The following DNAH8 variants were observed in gnomAD, a reference collection of about 807,000 sequenced individuals.
DNAH8 encodes the protein axonemal beta dynein heavy chain 8.
DNAH8 carries 382 observed loss-of-function variants against 562.1 expected under a neutral mutation model. That is an observed-to-expected ratio of 0.68 (90% CI 0.63 to 0.74). DNAH8 has a LOEUF of 0.74. Among genes scored for constraint, DNAH8 ranks in the 30% least tolerant of loss-of-function variants. The pLI, the probability that DNAH8 is intolerant of heterozygous loss-of-function variation, is 0.00. For synonymous variants in DNAH8, 1,881 were observed against 1,919.4 expected (o/e 0.98, Z 0.52); for missense variants, 5,203 against 5,620.4 (o/e 0.93, Z 2.37).
intron 62 of DNAH8, among the ~76,000 whole-genome samples, chr6:38,901,846 A>T (rs1487185918): frequency 2.0e-5 from 3 of 152,252 alleles, no homozygotes; most frequent in African/African-American, 7.2e-5. Context: ...AAAAAATTAA[A>T]TTAGTTGTCA....
Position 38,896,240 on chromosome 6 carries a change from C to G in DNAH8, c.8940+15C>G, listed in dbSNP as rs1239954872. The stretch of plus-strand genomic sequence containing the variant: ...TATATGAATTGGTATTTATTTTCAT[C>G]TCTTAAAAGAGGTTTTCAGATTGCT... On this transcript the variant is annotated intron_variant, in intron 60 of 92. Transcript: ENST00000327475. 13 of 1,604,242 alleles carry G rather than the reference C, an allele frequency of 8.1e-6. No individual in the cohort carries two copies. The highest frequency in any genetic ancestry group is 1.7e-5 in the Admixed American group (1 of 59,638).
At chr6:38,813,435 G>A (rs1564376) in intron 24 of DNAH8, among the ~76,000 whole-genome samples, 21,205 of 151,808 alleles carry the variant, frequency 0.14, 1,645 homozygotes, top group Admixed American at 0.22. Context: ...AGAAATGGAG[G>A]TGTAAGTTTT....
intron 8 of DNAH8, among the ~76,000 whole-genome samples, chr6:38,749,932 A>G (rs1765286699): frequency 6.6e-6 from 1 of 152,210 alleles, no homozygotes; most frequent in African/African-American, 2.4e-5. Context: ...TCCCGGGTTC[A>G]TGCCATTCTC....
chr6:38,843,005 C>A (rs1410341578), intron 35 of DNAH8, 102 bp downstream of exon 35: 2 of 1,267,008 alleles, frequency 1.6e-6, no homozygotes, highest in Non-Finnish European at 2.2e-6. Flanking sequence ...GGACTAATTG[C>A]CCTCTATAAT....
chr6:38,817,080 C>T (rs1283659822), intron 26 of DNAH8, among the ~76,000 whole-genome samples: 1 of 152,184 alleles, frequency 6.6e-6, no homozygotes, highest in East Asian at 1.9e-4. Flanking sequence ...TGGTGGCTCA[C>T]GTCTGTAATC....
intron 8 of DNAH8, 80 bp downstream of exon 8, chr6:38,741,967 A>G (rs1345212061): frequency 3.4e-6 from 4 of 1,189,930 alleles, no homozygotes; most frequent in Admixed American, 2.3e-5. Context: ...ACTTCTTAGT[A>G]TAATATACTG....
chr6:38,773,625 C>T (rs947183187), intron 12 of DNAH8, among the ~76,000 whole-genome samples: 6 of 152,156 alleles, frequency 3.9e-5, no homozygotes, highest in African/African-American at 9.7e-5. Flanking sequence ...GTGCTAAGAA[C>T]GACAGACCGG....
intron 82 of DNAH8, among the ~76,000 whole-genome samples, chr6:38,965,800 C>T (rs991191255): frequency 2.0e-4 from 30 of 152,184 alleles, no homozygotes; most frequent in African/African-American, 7.2e-4. Context: ...TCATTGGCCC[C>T]TTTCCTTCCT....
chr6:38,853,261 T>C lies in DNAH8; in HGVS notation c.5647T>C (p.Leu1883=). ...TTTGTTAAAAATGCAGATGTCATCA[T>C]TACATAATATAATTAGATCCGCTTT... ...LDLLKMQMSS[L]HNIIRSAFYQ... Residue 1883 remains leucine, a synonymous_variant, in exon 41 of 93, where the codon TTA becomes CTA. Coordinates refer to ENST00000327475, the MANE Select transcript of DNAH8 (RefSeq NM_001206927.2). The C allele has an allele frequency of 6.2e-7, 1 of 1,613,412 alleles. No individual in the cohort carries two copies.
chr6:38,870,593 A>G (rs1777395613), intron 49 of DNAH8, 31 bp downstream of exon 49: 1 of 1,582,602 alleles, frequency 6.3e-7, no homozygotes, highest in African/African-American at 1.4e-5. Flanking sequence ...TATTAGTATA[A>G]TGATAAGTAT....
At chr6:38,836,074 G>A (rs1308391204) in intron 32 of DNAH8, among the ~76,000 whole-genome samples, 2 of 152,102 alleles carry the variant, frequency 1.3e-5, no homozygotes, top group African/African-American at 2.4e-5. Flanking sequence ...AACCTGGTTT[G>A]AGGGAAAAAG....
intron 10 of DNAH8, among the ~76,000 whole-genome samples, chr6:38,756,447 C>T (rs1280921628): frequency 2.0e-5 from 3 of 151,850 alleles, no homozygotes; most frequent in Non-Finnish European, 2.9e-5. Context: ...TGTGTAGCGC[C>T]GCATGGTTAA....
At chr6:39,006,575 G>T (rs1457195805) in intron 88 of DNAH8, among the ~76,000 whole-genome samples, 2 of 152,174 alleles carry the variant, frequency 1.3e-5, no homozygotes, top group East Asian at 3.9e-4. Flanking sequence ...GAAATTGACT[G>T]TTGGATTATT....
At chr6:38,809,117 T>C (rs996610284) in intron 24 of DNAH8, among the ~76,000 whole-genome samples, 8 of 152,100 alleles carry the variant, frequency 5.3e-5, no homozygotes, top group African/African-American at 1.9e-4. Flanking sequence ...AAAATTGTGT[T>C]CCTTTTTTGG....
In DNAH8 at chr6:38,828,204, C is replaced by G; in HGVS notation, c.4104C>G (p.Asn1368Lys). The change falls in exon 30 of 93, where the codon AAC becomes AAG. Residue 1368 changes from asparagine to lysine, a missense_variant. This residue lies in a region of DNAH8 where 2,176 missense variants were observed against 2,365.1 expected (regional missense o/e 0.92). Transcript: ENST00000327475. ...GPIEEAYAIL[N>K]RFEVEVTKEE... Reference sequence around the variant, plus strand: ...TGCAGGAAGCCTATGCTATTTTAAACAGATTTGAAGTTGAAGTAACCAAAG... The same window carrying G: ...TGCAGGAAGCCTATGCTATTTTAAAGAGATTTGAAGTTGAAGTAACCAAAG... 3.1e-6 allele frequency: 5 copies of G among 1,592,128 alleles called. No homozygotes were observed. Among genetic ancestry groups the G allele is most frequent in the Non-Finnish European group, 4.3e-6 (5 of 1,170,988 alleles).
Position 38,857,811 on chromosome 6 carries a change from C to T in DNAH8, c.5958+69C>T, listed in dbSNP as rs1331117836. The T allele has an allele frequency of 6.0e-6, 6 of 994,182 alleles. No homozygotes were observed. The Admixed American group carries it at 1.2e-4, about 21-fold the overall frequency. 61.6% of individuals were successfully genotyped at this position (994,182 alleles called of 1,614,324 possible). ...AACAGCTAAGAATTGTATATGTTGC[C>T]TAACTTACATGAACTTTCCATTTAC... is the stretch of plus-strand genomic sequence containing the variant. On this transcript the variant is annotated intron_variant, in intron 42 of 92. Coordinates refer to ENST00000327475, the MANE Select transcript of DNAH8 (RefSeq NM_001206927.2).
rs150779436 is a variant in DNAH8 at position 38,916,659 on chromosome 6, C to T, written c.10141-580C>T. ...GTAACGTACAAAAGGAAGAGATCAC[C>T]GAACCGAAGGAGTCTTAGAACATGT... On this transcript the variant is annotated intron_variant, in intron 68 of 92. Transcript: ENST00000327475. Among the ~76,000 whole-genome samples, 200 of 152,232 alleles carry T rather than the reference C, an allele frequency of 1.3e-3. 1 individual carries two copies. The highest frequency in any genetic ancestry group is 6.8e-3 in the Middle Eastern group (2 of 294).
At chr6:38,880,022 C>T (rs912462577) in intron 53 of DNAH8, among the ~76,000 whole-genome samples, 1 of 152,060 alleles carries the variant, frequency 6.6e-6, no homozygotes, top group African/African-American at 2.4e-5. Context: ...TGGGGCAGCT[C>T]ACCTGAGGTC....
chr6:38,841,450 A>G (rs1412408504), intron 33 of DNAH8, among the ~76,000 whole-genome samples: 1 of 152,128 alleles, frequency 6.6e-6, no homozygotes, highest in Non-Finnish European at 1.5e-5. Flanking sequence ...AAAAAGATAG[A>G]ACGACTTTTA....
Sources: allele counts gnomAD v4.1 joint callset (sites outside exome capture counted in the v4.1 genomes callset), GRCh38; gene constraint gnomAD v4.1.1; regional missense constraint gnomAD v4.1.1; transcripts MANE v1.5; gene names NCBI Gene and HGNC (gene_info 2026-07-23, HGNC 2026-07-21).